Variants in GPC6 observed in about 807,000 individuals in gnomAD.
GPC6 encodes glypican-6.
Under a neutral mutation model 55.2 loss-of-function variants are expected in GPC6, and 14 were observed. The ratio of observed to expected loss-of-function variants is 0.25; its 90% CI spans 0.17 to 0.40. The LOEUF (loss-of-function observed/expected upper bound fraction) is 0.40, where lower values mean the gene tolerates loss of function less well. Among genes scored for constraint, GPC6 ranks in the 10% least tolerant of loss-of-function variants. The pLI is 1.00. For missense variants in GPC6, 641 were observed against 708.5 expected (o/e 0.90, Z 1.08); for synonymous variants, 278 against 259.6 (o/e 1.07, Z -0.68).
At chr13:93,377,318 G>A (rs1006998174) in intron 1 of GPC6, among the ~76,000 whole-genome samples, 5 of 152,220 alleles carry the variant, frequency 3.3e-5, no homozygotes, top group African/African-American at 1.2e-4. Flanking sequence ...AGTCAAAGAG[G>A]TTATGAAGCT....
intron 3 of GPC6, among the ~76,000 whole-genome samples, chr13:93,895,644 T>G (rs11840551): frequency 0.046 from 7,048 of 152,076 alleles, 496 homozygotes; most frequent in African/African-American, 0.15. Context: ...AGACAATATC[T>G]TGTTTTTGTT....
At chr13:94,055,740 A>G (rs184435914) in intron 4 of GPC6, among the ~76,000 whole-genome samples, 56 of 152,348 alleles carry the variant, frequency 3.7e-4, no homozygotes, top group African/African-American at 1.2e-3. Context: ...AGATTTAACT[A>G]GTTTTGAATC....
At chr13:93,325,916 A>T (rs1879636889) in intron 1 of GPC6, among the ~76,000 whole-genome samples, 1 of 152,088 alleles carries the variant, frequency 6.6e-6, no homozygotes, top group South Asian at 2.1e-4. Flanking sequence ...CTGCATGGTT[A>T]CCACTTTTAT....
intron 2 of GPC6, among the ~76,000 whole-genome samples, chr13:93,744,822 G>T (rs941637096): frequency 4.6e-5 from 7 of 151,464 alleles, no homozygotes; most frequent in Admixed American, 1.3e-4. Flanking sequence ...AGTCCTAGCT[G>T]CTCAGGAGGC....
chr13:93,822,710 T>C (rs1488954092), intron 2 of GPC6, among the ~76,000 whole-genome samples: 1 of 151,596 alleles, frequency 6.6e-6, no homozygotes, highest in African/African-American at 2.4e-5. Context: ...GGTTTTCTGC[T>C]CTTGTGTTAG....
chr13:94,031,387 A>G (rs1418893288), intron 4 of GPC6, among the ~76,000 whole-genome samples: 1 of 152,146 alleles, frequency 6.6e-6, no homozygotes, highest in African/African-American at 2.4e-5. Context: ...CTTGCTTTGT[A>G]GTAAGTAGTG....
chr13:93,246,934 A>G (rs1876623324), intron 1 of GPC6, among the ~76,000 whole-genome samples: 1 of 149,834 alleles, frequency 6.7e-6, no homozygotes, highest in Non-Finnish European at 1.5e-5. Context: ...AATCTCCATG[A>G]TTGGGAGTTT....
At chr13:93,566,898 T>C (rs1157090533) in intron 2 of GPC6, among the ~76,000 whole-genome samples, 2 of 152,166 alleles carry the variant, frequency 1.3e-5, no homozygotes, top group African/African-American at 4.8e-5. Context: ...ATGAACTCAT[T>C]CTTTTTTACG....
At chr13:94,271,190 A>G (rs1170981217) in intron 4 of GPC6, among the ~76,000 whole-genome samples, 1 of 150,786 alleles carries the variant, frequency 6.6e-6, no homozygotes, top group Non-Finnish European at 1.5e-5. Flanking sequence ...ACGGGGTTTC[A>G]CCGTGTTAGC....
At chr13:93,392,504 G>T (rs1875669566) in intron 1 of GPC6, among the ~76,000 whole-genome samples, 1 of 152,090 alleles carries the variant, frequency 6.6e-6, no homozygotes. Flanking sequence ...CTCCTAATTT[G>T]CAGAAATACC....
At chr13:93,772,969 T>C (rs1310410539) in intron 2 of GPC6, among the ~76,000 whole-genome samples, 1 of 152,176 alleles carries the variant, frequency 6.6e-6, no homozygotes, top group Non-Finnish European at 1.5e-5. Context: ...TTCTTTCTAC[T>C]CAAAGGTCTT....
chr13:94,401,333 A>T (rs190005518), intron 8 of GPC6, among the ~76,000 whole-genome samples: 7 of 152,318 alleles, frequency 4.6e-5, no homozygotes, highest in Admixed American at 1.3e-4. Context: ...GCACGTAAAT[A>T]ATACCACCTC....
At chr13:93,788,242 T>G (rs1208627755) in intron 2 of GPC6, among the ~76,000 whole-genome samples, 1 of 152,114 alleles carries the variant, frequency 6.6e-6, no homozygotes, top group Non-Finnish European at 1.5e-5. Flanking sequence ...TACTGCATCT[T>G]CTGGAGGGTA....
At chr13:93,280,066 A>G (rs1393399889) in intron 1 of GPC6, among the ~76,000 whole-genome samples, 2 of 152,202 alleles carry the variant, frequency 1.3e-5, no homozygotes, top group Non-Finnish European at 2.9e-5. Context: ...GATGAAAAAC[A>G]TCTGCAGGTA....
At chr13:93,686,343 A>C (rs1200526313) in intron 2 of GPC6, among the ~76,000 whole-genome samples, 2 of 152,140 alleles carry the variant, frequency 1.3e-5, no homozygotes, top group Non-Finnish European at 2.9e-5. Context: ...AGAGTATTTT[A>C]AATGTTAAAA....
At chr13:93,405,939 T>A (rs1307708707) in intron 1 of GPC6, among the ~76,000 whole-genome samples, 2 of 152,206 alleles carry the variant, frequency 1.3e-5, no homozygotes, top group Admixed American at 6.5e-5. Context: ...GAGGCCCCAC[T>A]CCCATGTCTG....
intron 1 of GPC6, among the ~76,000 whole-genome samples, chr13:93,443,568 C>T (rs1415406653): frequency 6.6e-6 from 1 of 152,092 alleles, no homozygotes; most frequent in African/African-American, 2.4e-5. Context: ...GGCATATTCA[C>T]AACATATTTA....
chr13:93,962,802 G>A (rs1001553770), intron 3 of GPC6, among the ~76,000 whole-genome samples: 13 of 152,096 alleles, frequency 8.5e-5, no homozygotes, highest in African/African-American at 2.9e-4. Context: ...GACAGAAAAT[G>A]ACTAAAAGAT....
At chr13:93,338,771 C>A (rs188243168) in intron 1 of GPC6, among the ~76,000 whole-genome samples, 1 of 151,988 alleles carries the variant, frequency 6.6e-6, no homozygotes, top group African/African-American at 2.4e-5. Context: ...TTTTACATTC[C>A]CCATTAGGAA....
Sources: allele counts gnomAD v4.1 joint callset (sites outside exome capture counted in the v4.1 genomes callset), GRCh38; gene constraint gnomAD v4.1.1; transcripts MANE v1.5; gene names NCBI Gene and HGNC (gene_info 2026-07-23, HGNC 2026-07-21).